The following SLC17A1 variants were observed in gnomAD, a reference collection of about 807,000 sequenced individuals.
The protein encoded by SLC17A1 is sodium-dependent phosphate transport protein 1.
A neutral mutation model predicts 53.5 loss-of-function variants in SLC17A1; 51 were observed. The ratio of observed to expected loss-of-function variants is 0.95; its 90% CI spans 0.76 to 1.20. SLC17A1 has a LOEUF of 1.20. SLC17A1 is among the 50% of genes most tolerant of loss of function. The pLI is 0.00. For missense variants in SLC17A1, 538 were observed against 568.2 expected, an observed-to-expected ratio of 0.95 and a Z score of 0.54; for synonymous variants, 179 against 198.8, an observed-to-expected ratio of 0.90 and a Z score of 0.84.
intron 10 of SLC17A1, among the ~76,000 whole-genome samples, chr6:25,801,931 TGAA>T (rs3034361): frequency 0.38 from 57,897 of 151,662 alleles, 11,856 homozygotes; most frequent in East Asian, 0.7. Flanking sequence ...TTGTAATGGA[TGAA>T]GAAGTACATT....
At chr6:25,742,638 T>G in the SLC17A1 span, among the ~76,000 whole-genome samples, 2 of 151,532 alleles carry the variant, frequency 1.3e-5, no homozygotes, top group African/African-American at 4.9e-5. Context: ...AATGGTATAA[T>G]ATGTATGGTG....
At chr6:25,786,268 A>G (rs943799057) in intron 12 of SLC17A1, among the ~76,000 whole-genome samples, 2 of 152,242 alleles carry the variant, frequency 1.3e-5, no homozygotes, top group Non-Finnish European at 2.9e-5. Context: ...GAATAGGCAA[A>G]TCAATATAGA....
At chr6:25,805,916 G>A (rs1763937297) in intron 10 of SLC17A1, among the ~76,000 whole-genome samples, 1 of 151,770 alleles carries the variant, frequency 6.6e-6, no homozygotes, top group Admixed American at 6.6e-5. Flanking sequence ...AAAGCCCAGG[G>A]CCAGACAGAT....
At chr6:25,774,501 G>T in the SLC17A1 span, among the ~76,000 whole-genome samples, 2 of 152,194 alleles carry the variant, frequency 1.3e-5, no homozygotes, top group Non-Finnish European at 2.9e-5. Context: ...ATGCAAGCAG[G>T]CTGCAGGCAC....
the SLC17A1 span, among the ~76,000 whole-genome samples, chr6:25,727,545 C>T: frequency 1.3e-5 from 2 of 150,994 alleles, no homozygotes; most frequent in Admixed American, 6.6e-5. Flanking sequence ...GCTCCCACCA[C>T]TACACCCGGC....
the SLC17A1 span, among the ~76,000 whole-genome samples, chr6:25,739,606 A>G: frequency 1.3e-5 from 2 of 152,222 alleles, no homozygotes; most frequent in Non-Finnish European, 2.9e-5. Context: ...TTACTCAGCA[A>G]CAAAAAAGAA....
the SLC17A1 span, among the ~76,000 whole-genome samples, chr6:25,763,619 G>A: frequency 1.3e-5 from 2 of 152,120 alleles, no homozygotes; most frequent in African/African-American, 4.8e-5. Context: ...CACTCAGTGA[G>A]CTGAATCCAG....
chr6:25,737,399 T>G, the SLC17A1 span, among the ~76,000 whole-genome samples: 1 of 152,006 alleles, frequency 6.6e-6, no homozygotes, highest in African/African-American at 2.4e-5. Context: ...TCTCAACCAA[T>G]CAGCAGCACC....
chr6:25,821,229 C>T (rs1175060723), intron 3 of SLC17A1, among the ~76,000 whole-genome samples: 1 of 152,076 alleles, frequency 6.6e-6, no homozygotes, highest in Non-Finnish European at 1.5e-5. Flanking sequence ...ACTATTATCC[C>T]TCCATTCTTC....
At chr6:25,729,352 C>T in the SLC17A1 span, among the ~76,000 whole-genome samples, 1 of 152,190 alleles carries the variant, frequency 6.6e-6, no homozygotes, top group Non-Finnish European at 1.5e-5. Flanking sequence ...GCAGTCTTGC[C>T]TCTGCCCTTC....
chr6:25,789,918 C>CA (rs1276075677), intron 12 of SLC17A1, among the ~76,000 whole-genome samples: 4 of 152,082 alleles, frequency 2.6e-5, no homozygotes, highest in Non-Finnish European at 5.9e-5. Context: ...CTGATGTTGA[C>CA]GGTTGTTTTG....
At chr6:25,803,257 G>A (rs1409513731) in intron 10 of SLC17A1, among the ~76,000 whole-genome samples, 1 of 151,890 alleles carries the variant, frequency 6.6e-6, no homozygotes, top group African/African-American at 2.4e-5. Context: ...TTTTAAGATA[G>A]GTCTTGAACT....
At position 25,782,943 on chromosome 6, in the gene SLC17A1, G is replaced by A. The variant is rs1763297170; in HGVS notation, c.*278C>T. The A allele has an allele frequency of 6.6e-6, 1 of 152,132 alleles. No individual in the cohort carries two copies. The highest frequency in any genetic ancestry group is 6.5e-5 in the Admixed American group (1 of 15,270). 9.4% of individuals were successfully genotyped at this position (152,132 alleles called of 1,614,324 possible). On this transcript the variant is annotated 3_prime_UTR_variant, in exon 13 of 13. Transcript: ENST00000244527. ...AATTTTATCTTGTGTGTATTTATTGGTTTGACAATCATTTATAAAGCAACT... is the reference window on the plus strand; with the variant it reads ...AATTTTATCTTGTGTGTATTTATTGATTTGACAATCATTTATAAAGCAACT...
At chr6:25,773,890 T>A in the SLC17A1 span, among the ~76,000 whole-genome samples, 6 of 152,126 alleles carry the variant, frequency 3.9e-5, no homozygotes, top group African/African-American at 1.2e-4. Context: ...TGGTTCTAGT[T>A]TGATTTTCAT....
intron 10 of SLC17A1, among the ~76,000 whole-genome samples, chr6:25,801,865 T>C (rs2151482230): frequency 6.6e-6 from 1 of 152,288 alleles, no homozygotes; most frequent in Non-Finnish European, 1.5e-5. Flanking sequence ...CGTTAAGCTA[T>C]ATGCAGTCAT....
rs757891899 is a variant in SLC17A1 at position 25,798,907 on chromosome 6, C to T, written c.1282G>A (p.Ala428Thr). The T allele has an allele frequency of 1.0e-5, 16 of 1,578,386 alleles. No homozygotes were observed. The highest frequency in any genetic ancestry group is 3.4e-5 in the Admixed American group (2 of 59,288). Residue 428 changes from alanine to threonine, a missense_variant, in exon 12 of 13, where the codon GCC becomes ACC. By Grantham distance (58) the Ala-to-Thr change is moderately conservative. Transcript: ENST00000244527. The part of the protein sequence containing the change: ...GLILKQDPES[A>T]WFKTFILMAA... ...ATCAGGATGAAGGTTTTAAACCAGG[C>T]GGATTCCGGATCCTAAGGAATTAAA...
At chr6:25,738,891 T>C in the SLC17A1 span, among the ~76,000 whole-genome samples, 41,258 of 151,998 alleles carry the variant, frequency 0.27, 6,813 homozygotes, top group East Asian at 0.7. Flanking sequence ...CATCAAATGA[T>C]GGCATGAATA....
At chr6:25,726,774 T>A in the SLC17A1 span, 2 of 1,180,494 alleles carry the variant, frequency 1.7e-6, no homozygotes, top group Non-Finnish European at 2.4e-6. Context: ...ATCCTCCAGT[T>A]CTGTTTGTTT....
intron 3 of SLC17A1, among the ~76,000 whole-genome samples, chr6:25,822,998 G>A (rs534010793): frequency 4.7e-4 from 71 of 151,786 alleles, no homozygotes; most frequent in Admixed American, 1.1e-3. Flanking sequence ...GCTGCCTGTC[G>A]CTGTAACTTA....
Sources: gnomAD v4.1 joint callset for allele counts (sites outside exome capture counted in the v4.1 genomes callset) on GRCh38, gnomAD v4.1.1 for gene constraint, MANE v1.5 for transcripts, NCBI Gene and HGNC (gene_info 2026-07-23, HGNC 2026-07-21) for gene names.